The following DOK6 variants were observed in gnomAD, a reference collection of about 807,000 sequenced individuals.
The protein encoded by DOK6 is downstream of tyrosine kinase 6.
In DOK6, 22 loss-of-function variants were observed where a neutral mutation model predicts 44.0. The ratio of observed to expected loss-of-function variants is 0.50; its 90% CI spans 0.36 to 0.71. DOK6 has a LOEUF of 0.71. Among genes scored for constraint, DOK6 ranks in the 30% least tolerant of loss-of-function variants. The pLI, the probability that DOK6 is intolerant of heterozygous loss-of-function variation, is 0.00. For synonymous variants in DOK6, 166 were observed against 145.5 expected (o/e 1.14, Z -1.01); for missense variants, 340 against 416.4 (o/e 0.82, Z 1.60).
intron 3 of DOK6, among the ~76,000 whole-genome samples, chr18:69,649,279 C>T (rs768549692): frequency 8.5e-5 from 13 of 152,156 alleles, no homozygotes; most frequent in Non-Finnish European, 1.9e-4. Context: ...TTCTCAAAGT[C>T]ATTTATTCTA....
At chr18:69,809,248 A>G (rs1023570481) in intron 7 of DOK6, among the ~76,000 whole-genome samples, 3 of 151,854 alleles carry the variant, frequency 2.0e-5, no homozygotes, top group Non-Finnish European at 2.9e-5. Flanking sequence ...ACAAAATTCA[A>G]CGTCCTTTCA....
At chr18:69,801,201 A>T (rs1451805975) in intron 7 of DOK6, among the ~76,000 whole-genome samples, 2 of 152,014 alleles carry the variant, frequency 1.3e-5, no homozygotes, top group South Asian at 2.1e-4. Context: ...TGCCTTGGGC[A>T]TTTTCCCCAA....
chr18:69,486,449 C>G (rs1012466309), intron 1 of DOK6, among the ~76,000 whole-genome samples: 5 of 152,020 alleles, frequency 3.3e-5, no homozygotes, highest in African/African-American at 4.8e-5. Context: ...TCCTATTTCT[C>G]CTGTGTGAGG....
chr18:69,547,479 C>T (rs1378449133), intron 1 of DOK6, among the ~76,000 whole-genome samples: 1 of 151,380 alleles, frequency 6.6e-6, no homozygotes, highest in African/African-American at 2.4e-5. Flanking sequence ...TGTTACTAAA[C>T]CATTCATGAC....
rs1377562726 is a variant in DOK6, at chr18:69,435,059, G to GAAGGAAGGAAGA, written c.66+33760_66+33761insAAAGGAAGGAAG. The stretch of plus-strand genomic sequence containing the variant: ...GGAAGGAAGGAAGGAAGGAAGGAAG[G>GAAGGAAGGAAGA]AAGGAAGGAAGGAAGGAAGGAAGGA... On this transcript the variant is annotated intron_variant, in intron 1 of 7. Transcript: ENST00000382713. Among the ~76,000 whole-genome samples, 3 of 149,748 alleles carry GAAGGAAGGAAGA rather than the reference G, an allele frequency of 2.0e-5. No homozygotes were observed. In the East Asian group the frequency reaches 6.0e-4, roughly 30 times the overall value.
At position 69,777,613 on chromosome 18, in the gene DOK6, C is replaced by A. The variant is rs536564791; in HGVS notation, c.856+19740C>A. Among the ~76,000 whole-genome samples the A allele has an allele frequency of 6.3e-4, 95 of 151,860 alleles. 1 individual carries two copies. Among genetic ancestry groups the A allele is most frequent in the Non-Finnish European group, 1.0e-3 (70 of 67,910 alleles). ...TAACAGACCTATCACAAAGGACTAC[C>A]CAGTTTGGCCAGAGAGTTCTGAGAT... On this transcript the variant is annotated intron_variant, in intron 7 of 7. Transcript: ENST00000382713.
rs200153047 is a variant in DOK6, at chr18:69,826,444, T to TTAA, written c.857-14800_857-14799insTAA. ...ATCTCAAATATATTCTTCCAATTAA[T>TTAA]ACATTAAAGACTAATAAGGGGTTAA... is the stretch of plus-strand genomic sequence containing the variant. On this transcript the variant is annotated intron_variant, in intron 7 of 7. Coordinates refer to ENST00000382713, the MANE Select transcript of DOK6 (RefSeq NM_152721.6). Among the ~76,000 whole-genome samples, 385 of 152,334 alleles carry TTAA rather than the reference T, an allele frequency of 2.5e-3. 3 individuals are homozygous for TTAA. The highest frequency in any genetic ancestry group is 8.8e-3 in the African/African-American group (365 of 41,580).
chr18:69,648,603 C>G (rs1289563202), intron 3 of DOK6, among the ~76,000 whole-genome samples: 2 of 152,142 alleles, frequency 1.3e-5, no homozygotes, highest in Non-Finnish European at 2.9e-5. Context: ...AAATAGAGGA[C>G]ATGGCGATGT....
intron 1 of DOK6, among the ~76,000 whole-genome samples, chr18:69,439,232 A>T (rs1158871162): frequency 6.6e-6 from 1 of 152,210 alleles, no homozygotes; most frequent in East Asian, 1.9e-4. Context: ...CTGTAAACAG[A>T]TATGCTGTCA....
rs142952279 is a variant in DOK6, at chr18:69,489,031, G to T, written c.67-75456G>T. Among the ~76,000 whole-genome samples the T allele has an allele frequency of 3.9e-5, 6 of 152,242 alleles. No homozygotes were observed. In the East Asian group the frequency reaches 1.2e-3, roughly 29 times the overall value. ...CTGTAGCTTAAGTTTTATACACATA[G>T]AACTTTTCTACTAAATGGAAGATAG... On this transcript the variant is annotated intron_variant, in intron 1 of 7. Coordinates refer to ENST00000382713, the MANE Select transcript of DOK6 (RefSeq NM_152721.6).
Position 69,677,733 on chromosome 18 carries a change from G to A in DOK6, c.290-1G>A, listed in dbSNP as rs1191838037. ...ACTGGTGATGTTGTGGTTACTTTCA[G>A]AGCTGGAGGCCGAGGAGTGGTGCAA... On this transcript the variant is annotated splice_acceptor_variant, in intron 3 of 7. Coordinates refer to ENST00000382713, the MANE Select transcript of DOK6 (RefSeq NM_152721.6). LOFTEE classifies it high-confidence loss of function. 6.2e-7 allele frequency: 1 copy of A among 1,613,256 alleles called. No individual in the cohort carries two copies. The highest frequency in any genetic ancestry group is 1.7e-5 in the Admixed American group (1 of 60,008).
chr18:69,630,815 A>G (rs1984673447), intron 3 of DOK6, among the ~76,000 whole-genome samples: 1 of 152,184 alleles, frequency 6.6e-6, no homozygotes, highest in Non-Finnish European at 1.5e-5. Context: ...TGCTTCTGTA[A>G]AATACTTCTG....
Position 69,613,237 on chromosome 18 carries a change from C to T in DOK6, c.289+13739C>T, listed in dbSNP as rs957757437. Among the ~76,000 whole-genome samples, 10 of 152,068 alleles carry T rather than the reference C, an allele frequency of 6.6e-5. 1 individual carries two copies. The South Asian group carries it at 1.0e-3, about 16-fold the overall frequency. ...GTGCTTGTGATGTGAGAGTGAACAA[C>T]CAGCGTGCTGCGTATGTGTGTGTGT... is the stretch of plus-strand genomic sequence containing the variant. On this transcript the variant is annotated intron_variant, in intron 3 of 7. Coordinates refer to ENST00000382713, the MANE Select transcript of DOK6 (RefSeq NM_152721.6).
At chr18:69,621,325 T>C (rs1984433777) in intron 3 of DOK6, among the ~76,000 whole-genome samples, 2 of 152,190 alleles carry the variant, frequency 1.3e-5, no homozygotes, top group African/African-American at 4.8e-5. Flanking sequence ...ACTCAGTAAG[T>C]GCTCTATCAG....
chr18:69,741,148 C>T (rs73970252), intron 6 of DOK6, among the ~76,000 whole-genome samples: 4,820 of 152,124 alleles, frequency 0.032, 255 homozygotes, highest in African/African-American at 0.11. Flanking sequence ...GAAGGGAGAG[C>T]GCAACAAATG....
intron 1 of DOK6, among the ~76,000 whole-genome samples, chr18:69,444,582 AT>A (rs1357146964): frequency 6.7e-6 from 1 of 149,388 alleles, no homozygotes; most frequent in Non-Finnish European, 1.5e-5. Flanking sequence ...ATTGATTTTT[AT>A]TTTTATTTTT....
chr18:69,402,261 G>A (rs1412316179), intron 1 of DOK6, among the ~76,000 whole-genome samples: 1 of 152,100 alleles, frequency 6.6e-6, no homozygotes, highest in Non-Finnish European at 1.5e-5. Context: ...TCCAGACTCT[G>A]GTTGTGTCTA....
Position 69,843,810 on chromosome 18 carries a change from C to T in DOK6, c.*2427C>T, listed in dbSNP as rs1982288786. 6.6e-6 allele frequency: 1 copy of T among 152,176 alleles called. No homozygotes were observed. Among genetic ancestry groups the T allele is most frequent in the Admixed American group, 6.5e-5 (1 of 15,276 alleles). The allele number at this position is 152,176 out of a possible 1,614,324, so 9.4% of individuals were successfully genotyped here. A position where few individuals can be genotyped will look rare whatever the true frequency, so the allele number is the denominator to read the frequency against. On this transcript the variant is annotated 3_prime_UTR_variant, in exon 8 of 8. Coordinates refer to ENST00000382713, the MANE Select transcript of DOK6 (RefSeq NM_152721.6). ...CCTTCCCAAGTTTTTAACCAGATCT[C>T]GTCACAATGAGGAGAATGCTATAAT...
chr18:69,408,894 A>C (rs1978294883), intron 1 of DOK6, among the ~76,000 whole-genome samples: 1 of 152,120 alleles, frequency 6.6e-6, no homozygotes, highest in South Asian at 2.1e-4. Context: ...AAAACTATTA[A>C]TTTTTTAAGT....
Sources: gnomAD v4.1 joint callset for allele counts (sites outside exome capture counted in the v4.1 genomes callset) on GRCh38, gnomAD v4.1.1 for gene constraint, MANE v1.5 for transcripts, NCBI Gene and HGNC (gene_info 2026-07-23, HGNC 2026-07-21) for gene names.